EPHB1: variants seen among roughly 807,000 people sequenced by gnomAD.
EPHB1 encodes EPH receptor B1, also known as ephrin type-B receptor 1.
Under a neutral mutation model 94.4 loss-of-function variants are expected in EPHB1, and 30 were observed. The ratio of observed to expected loss-of-function variants is 0.32; its 90% CI spans 0.24 to 0.43. EPHB1 has a LOEUF of 0.43. EPHB1 is among the 20% of genes least tolerant of loss of function. The pLI, the probability that EPHB1 is intolerant of heterozygous loss-of-function variation, is 1.00. For missense variants in EPHB1, 1,055 were observed against 1,308.3 expected, an observed-to-expected ratio of 0.81 and a Z score of 2.99; for synonymous variants, 522 against 489.1, an observed-to-expected ratio of 1.07 and a Z score of -0.89.
At chr3:135,005,839 C>T (rs1935387673) in intron 3 of EPHB1, among the ~76,000 whole-genome samples, 1 of 152,354 alleles carries the variant, frequency 6.6e-6, no homozygotes, top group African/African-American at 2.4e-5. Flanking sequence ...CACGCACCCA[C>T]TGACCTGCGC....
chr3:134,892,443 CA>C (rs2038004342), intron 1 of EPHB1, among the ~76,000 whole-genome samples: 1 of 152,230 alleles, frequency 6.6e-6, no homozygotes, highest in Non-Finnish European at 1.5e-5. Flanking sequence ...GTACCAATAA[CA>C]GGTTAACTCT....
intron 3 of EPHB1, among the ~76,000 whole-genome samples, chr3:135,032,375 CA>C (rs1459501373): frequency 2.7e-5 from 4 of 150,666 alleles, no homozygotes; most frequent in Admixed American, 1.3e-4. Context: ...TTTCCTAAGA[CA>C]TTTATTTTCA....
At chr3:135,001,956 C>T (rs1438001919) in intron 3 of EPHB1, among the ~76,000 whole-genome samples, 2 of 152,208 alleles carry the variant, frequency 1.3e-5, no homozygotes, top group Admixed American at 6.5e-5. Flanking sequence ...GAGACTTGAA[C>T]ATATCATTTG....
At chr3:135,130,928 A>C (rs1057043917) in intron 4 of EPHB1, among the ~76,000 whole-genome samples, 1 of 152,214 alleles carries the variant, frequency 6.6e-6, no homozygotes, top group East Asian at 1.9e-4. Context: ...TTGTGGTATG[A>C]GTCCCATCAG....
intron 12 of EPHB1, among the ~76,000 whole-genome samples, chr3:135,225,490 A>T (rs1393450232): frequency 6.6e-6 from 1 of 152,214 alleles, no homozygotes; most frequent in Non-Finnish European, 1.5e-5. Context: ...GGCATTAGAG[A>T]AAATGGAAAT....
At chr3:135,209,649 T>C (rs759170140) in intron 12 of EPHB1, among the ~76,000 whole-genome samples, 3 of 152,206 alleles carry the variant, frequency 2.0e-5, no homozygotes, top group Non-Finnish European at 4.4e-5. Context: ...ATACTGGGTA[T>C]ACCATGTGAT....
intron 1 of EPHB1, among the ~76,000 whole-genome samples, chr3:134,901,276 A>G (rs915402394): frequency 6.6e-6 from 1 of 152,018 alleles, no homozygotes; most frequent in African/African-American, 2.4e-5. Flanking sequence ...TATTTAAATC[A>G]GGATCTAAAC....
intron 3 of EPHB1, among the ~76,000 whole-genome samples, chr3:134,966,522 G>T (rs1303284352): frequency 2.6e-5 from 4 of 152,174 alleles, no homozygotes; most frequent in Non-Finnish European, 4.4e-5. Flanking sequence ...GTAAACAATA[G>T]TCTCTATTTA....
chr3:135,212,837 T>A (rs1156650537), intron 12 of EPHB1, among the ~76,000 whole-genome samples: 1 of 152,228 alleles, frequency 6.6e-6, no homozygotes, highest in Non-Finnish European at 1.5e-5. Context: ...TTCTTTTTCC[T>A]TCTCTTGTGT....
Position 135,106,671 on chromosome 3 carries a change from G to C in EPHB1, c.961+68G>C, listed in dbSNP as rs1455594731. ...CTGATGGTGCAAGTGGTGGGTCTGG[G>C]GCAAGGAAGAGAAGACATCATCCTT... On this transcript the variant is annotated intron_variant, in intron 4 of 15. Coordinates refer to ENST00000398015, the MANE Select transcript of EPHB1 (RefSeq NM_004441.5). The C allele has an allele frequency of 1.9e-6, 3 of 1,585,166 alleles. No homozygotes were observed. In the South Asian group the frequency reaches 3.4e-5, roughly 18 times the overall value.
rs569558114 is a variant in EPHB1 at position 134,897,540 on chromosome 3, G to A, written c.59-28276G>A. 6.6e-5 allele frequency among the ~76,000 whole-genome samples: 10 copies of A among 152,214 alleles called. No individual in the cohort carries two copies. In the South Asian group the frequency reaches 1.9e-3, roughly 28 times the overall value. On this transcript the variant is annotated intron_variant, in intron 1 of 15. Transcript: ENST00000398015. ...TTCTGCCCAGGATATTTTCTCCACG[G>A]GTCTTTTCAGGGCCACAGCTCATCC...
chr3:134,958,605 C>T (rs1933378585), intron 3 of EPHB1, among the ~76,000 whole-genome samples: 1 of 152,122 alleles, frequency 6.6e-6, no homozygotes, highest in Non-Finnish European at 1.5e-5. Flanking sequence ...CCAGGGGAGG[C>T]CAGGGTCATT....
chr3:134,960,442 T>C (rs1468256928), intron 3 of EPHB1, among the ~76,000 whole-genome samples: 3 of 152,172 alleles, frequency 2.0e-5, no homozygotes, highest in Non-Finnish European at 4.4e-5. Flanking sequence ...GCCCCCATTT[T>C]TGTTTCAAGG....
intron 10 of EPHB1, among the ~76,000 whole-genome samples, chr3:135,183,140 C>G (rs1367832265): frequency 6.7e-6 from 1 of 149,594 alleles, no homozygotes; most frequent in Non-Finnish European, 1.5e-5. Flanking sequence ...AGTATTTACA[C>G]TATGGGAACT....
At chr3:135,137,798 A>G (rs1449965669) in intron 5 of EPHB1, among the ~76,000 whole-genome samples, 1 of 152,082 alleles carries the variant, frequency 6.6e-6, no homozygotes. Flanking sequence ...CTAGAGAGCA[A>G]TTTGCCGTAT....
chr3:135,066,718 G>A (rs1015817681), intron 3 of EPHB1, among the ~76,000 whole-genome samples: 8 of 151,856 alleles, frequency 5.3e-5, no homozygotes, highest in South Asian at 4.1e-4. Context: ...ATTTCTTCTC[G>A]GTTTGGATCC....
At chr3:135,196,619 G>T (rs1942624192) in intron 11 of EPHB1, among the ~76,000 whole-genome samples, 1 of 152,100 alleles carries the variant, frequency 6.6e-6, no homozygotes, top group Non-Finnish European at 1.5e-5. Flanking sequence ...CATCAGTTCA[G>T]TTCTACAGGG....
At chr3:135,029,778 G>A (rs7429083) in intron 3 of EPHB1, among the ~76,000 whole-genome samples, 1 of 151,748 alleles carries the variant, frequency 6.6e-6, no homozygotes, top group African/African-American at 2.4e-5. Context: ...CCTGCCTTGC[G>A]AGATTTGGGA....
intron 3 of EPHB1, among the ~76,000 whole-genome samples, chr3:134,973,539 C>A (rs1559778289): frequency 6.9e-6 from 1 of 144,564 alleles, no homozygotes; most frequent in Non-Finnish European, 1.5e-5. Context: ...TCAAGCGATT[C>A]TCCTTCCTCA....
Sources: allele counts gnomAD v4.1 joint callset (sites outside exome capture counted in the v4.1 genomes callset), GRCh38; gene constraint gnomAD v4.1.1; transcripts MANE v1.5; gene names NCBI Gene and HGNC (gene_info 2026-07-23, HGNC 2026-07-21).